Variants in NECTIN1 observed in about 807,000 individuals in gnomAD.
NECTIN1 encodes the protein nectin cell adhesion molecule 1.
A neutral mutation model predicts 48.0 loss-of-function variants in NECTIN1; 23 were observed. That is an observed-to-expected ratio of 0.48 (90% CI 0.34 to 0.68). NECTIN1 has a LOEUF of 0.68. Ranked by LOEUF, NECTIN1 falls within the 30% of genes least tolerant of loss-of-function variation. The probability of loss-of-function intolerance (pLI) is 0.01; values close to 1 mark genes in which losing one functional copy is unlikely to be tolerated. For synonymous variants in NECTIN1, 270 were observed against 288.9 expected (o/e 0.93, Z 0.66); for missense variants, 591 against 709.9 (o/e 0.83, Z 1.90).
At chr11:119,670,173 T>C (rs768981689) in intron 5 of NECTIN1, among the ~76,000 whole-genome samples, 4 of 152,186 alleles carry the variant, frequency 2.6e-5, no homozygotes, top group Non-Finnish European at 4.4e-5. Context: ...TTGGCCAGGC[T>C]GATCTCACAC....
intron 1 of NECTIN1, among the ~76,000 whole-genome samples, chr11:119,705,150 G>C (rs1018535434): frequency 1.3e-5 from 2 of 152,174 alleles, no homozygotes; most frequent in South Asian, 2.1e-4. Context: ...GGCAGGGCTC[G>C]AGATTAGGCC....
intron 7 of NECTIN1, chr11:119,638,722 C>T: frequency 6.2e-7 from 1 of 1,612,812 alleles, no homozygotes; most frequent in Non-Finnish European, 8.5e-7. Context: ...TCTGCTGCCT[C>T]AGGCCCACCT....
chr11:119,703,166 G>C (rs752770728), intron 1 of NECTIN1, among the ~76,000 whole-genome samples: 5 of 152,234 alleles, frequency 3.3e-5, no homozygotes, highest in Non-Finnish European at 5.9e-5. Context: ...GGCATGACCA[G>C]GAGACCAAGG....
intron 5 of NECTIN1, among the ~76,000 whole-genome samples, chr11:119,645,443 C>T (rs1864384903): frequency 1.3e-5 from 2 of 152,264 alleles, no homozygotes; most frequent in Admixed American, 6.5e-5. Context: ...GGACCCCATC[C>T]ACAGGGACAG....
Position 119,677,342 on chromosome 11 carries a change from G to A in NECTIN1, c.734-123C>T, listed in dbSNP as rs10892429. 322,981 of 1,033,530 alleles carry A rather than the reference G, an allele frequency of 0.31. 54,926 individuals are homozygous for A. The highest frequency in any genetic ancestry group is 0.36 in the Non-Finnish European group (236,456 of 663,898). 64.0% of individuals were successfully genotyped at this position (1,033,530 alleles called of 1,614,324 possible). ...GGAAACAGCCAGGAGAGAGGGAAGTGTGGGTGGGAGGGTGGCAATCACAGA... is the reference window on the plus strand; with the variant it reads ...GGAAACAGCCAGGAGAGAGGGAAGTATGGGTGGGAGGGTGGCAATCACAGA... On this transcript the variant is annotated intron_variant, in intron 3 of 5. Transcript: ENST00000264025. The surrounding 1 kb of genome is among the most constrained non-coding windows in gnomAD (Gnocchi z 5.4).
At chr11:119,645,719 TG>T (rs1864388848) in intron 5 of NECTIN1, among the ~76,000 whole-genome samples, 1 of 152,184 alleles carries the variant, frequency 6.6e-6, no homozygotes, top group Non-Finnish European at 1.5e-5. Context: ...CAAGCTGGGC[TG>T]GCTGCCGCAC....
intron 1 of NECTIN1, among the ~76,000 whole-genome samples, chr11:119,705,142 C>T (rs1865526778): frequency 6.6e-6 from 1 of 152,128 alleles, no homozygotes; most frequent in South Asian, 2.1e-4. Flanking sequence ...GCTGGCCAGG[C>T]AGGGCTCGAG....
At chr11:119,653,526 C>G (rs970221080) in intron 5 of NECTIN1, among the ~76,000 whole-genome samples, 11 of 152,130 alleles carry the variant, frequency 7.2e-5, no homozygotes, top group Non-Finnish European at 1.5e-4. Flanking sequence ...GCTGGTGGGT[C>G]GTGGTGCGAG....
At chr11:119,645,352 T>G (rs1419174802) in intron 5 of NECTIN1, among the ~76,000 whole-genome samples, 1 of 152,164 alleles carries the variant, frequency 6.6e-6, no homozygotes, top group Non-Finnish European at 1.5e-5. Flanking sequence ...TGGGGCAGAC[T>G]CCAGCGGTCT....
chr11:119,668,682 T>C (rs1043638544), intron 5 of NECTIN1, among the ~76,000 whole-genome samples: 11 of 152,234 alleles, frequency 7.2e-5, no homozygotes, highest in Admixed American at 3.9e-4. Flanking sequence ...GGTCTGCACC[T>C]CTCATTCTGG....
chr11:119,696,361 G>T (rs1865340273), intron 1 of NECTIN1, among the ~76,000 whole-genome samples: 1 of 152,200 alleles, frequency 6.6e-6, no homozygotes, highest in Admixed American at 6.5e-5. Flanking sequence ...CTAGACTTCA[G>T]CATCGAAGAG....
chr11:119,648,990 T>A (rs1027170210), intron 5 of NECTIN1, among the ~76,000 whole-genome samples: 2 of 152,180 alleles, frequency 1.3e-5, no homozygotes, highest in Non-Finnish European at 2.9e-5. Context: ...GACTCCTGCC[T>A]CACTGGCACT....
At chr11:119,644,338 G>A (rs1467572052) in intron 5 of NECTIN1, among the ~76,000 whole-genome samples, 1 of 152,164 alleles carries the variant, frequency 6.6e-6, no homozygotes, top group African/African-American at 2.4e-5. Flanking sequence ...TCGTGGTTTG[G>A]GAGCCCGAGG....
At chr11:119,647,021 T>C (rs1864404275) in intron 5 of NECTIN1, among the ~76,000 whole-genome samples, 1 of 152,194 alleles carries the variant, frequency 6.6e-6, no homozygotes, top group Non-Finnish European at 1.5e-5. Context: ...GCATCCCTGA[T>C]CTCATCCTGC....
At chr11:119,697,051 C>T (rs376087401) in intron 1 of NECTIN1, among the ~76,000 whole-genome samples, 2 of 152,078 alleles carry the variant, frequency 1.3e-5, no homozygotes, top group Non-Finnish European at 2.9e-5. Flanking sequence ...GGGCAGAGGC[C>T]GGGCCTGGGA....
intron 1 of NECTIN1, among the ~76,000 whole-genome samples, chr11:119,697,070 C>T (rs952997252): frequency 5.3e-5 from 8 of 152,064 alleles, no homozygotes; most frequent in African/African-American, 1.7e-4. Context: ...GAGGGGCAGC[C>T]TGCGAGCAGC....
intron 1 of NECTIN1, among the ~76,000 whole-genome samples, chr11:119,702,813 C>T (rs1002298860): frequency 9.9e-5 from 15 of 152,234 alleles, no homozygotes; most frequent in Non-Finnish European, 1.6e-4. Context: ...TAGCTTTTGG[C>T]GCTGTGGCCC....
At chr11:119,718,619 G>T (rs1302695709) in intron 1 of NECTIN1, among the ~76,000 whole-genome samples, 2 of 152,158 alleles carry the variant, frequency 1.3e-5, no homozygotes, top group African/African-American at 2.4e-5. Flanking sequence ...CGCGCTGGGG[G>T]ACCAGGCAGA....
At chr11:119,652,289 C>T (rs61247604) in intron 5 of NECTIN1, among the ~76,000 whole-genome samples, 3,116 of 152,272 alleles carry the variant, frequency 0.02, 104 homozygotes, top group African/African-American at 0.062. Flanking sequence ...TTGTGCCCCA[C>T]GACTCCTGTT....
Sources: allele counts gnomAD v4.1 joint callset (sites outside exome capture counted in the v4.1 genomes callset), GRCh38; gene constraint gnomAD v4.1.1; non-coding constraint Gnocchi (gnomAD v3.1); transcripts MANE v1.5; gene names NCBI Gene and HGNC (gene_info 2026-07-23, HGNC 2026-07-21).